FGFRL1: variants seen among roughly 807,000 people sequenced by gnomAD.
FGFRL1 encodes fibroblast growth factor receptor-like 1.
A neutral mutation model predicts 36.8 loss-of-function variants in FGFRL1; 24 were observed. The ratio of observed to expected loss-of-function variants is 0.65; its 90% CI spans 0.47 to 0.92. The LOEUF is 0.92. Among genes scored for constraint, FGFRL1 ranks in the 40% least tolerant of loss-of-function variants. The pLI is 0.00. For missense variants in FGFRL1, 785 were observed against 753.4 expected (o/e 1.04, Z -0.49); for synonymous variants, 422 against 344.1 (o/e 1.23, Z -2.50).
At position 1,024,668 on chromosome 4, in the gene FGFRL1, C is replaced by T. The variant is rs762504292; in HGVS notation, c.1072+4C>T. 15 of 1,592,282 alleles carry T rather than the reference C, an allele frequency of 9.4e-6. No homozygotes were observed. The highest frequency in any genetic ancestry group is 1.3e-5 in the Non-Finnish European group (15 of 1,167,344). Reference sequence around the variant, plus strand: ...GCCTTCCTCACCGTGCTGCCAGGTGCGCGGCTGCCACGCCACGCCACACCA... The same window carrying T: ...GCCTTCCTCACCGTGCTGCCAGGTGTGCGGCTGCCACGCCACGCCACACCA... On this transcript the variant is annotated splice_donor_region_variant and intron_variant, in intron 6 of 6. Coordinates refer to ENST00000510644, the MANE Select transcript of FGFRL1 (RefSeq NM_001004356.3).
At chr4:1,017,035 C>T (rs569162297) in intron 2 of FGFRL1, among the ~76,000 whole-genome samples, 27 of 152,272 alleles carry the variant, frequency 1.8e-4, no homozygotes, top group African/African-American at 6.3e-4. Context: ...GAAGGCTCAG[C>T]ACCTGGATTG....
intron 6 of FGFRL1, 70 bp from the exon 7 acceptor site, chr4:1,024,835 G>T (rs1398720383): frequency 1.9e-5 from 28 of 1,489,774 alleles, no homozygotes; most frequent in Non-Finnish European, 2.4e-5. Context: ...CCCTGGGATG[G>T]GTCTGGGGTG....
At chr4:1,015,599 G>T (rs111779499) in intron 2 of FGFRL1, among the ~76,000 whole-genome samples, 2,234 of 152,338 alleles carry the variant, frequency 0.015, 49 homozygotes, top group African/African-American at 0.048. Context: ...CCCTGTGTGG[G>T]GCAGGGGGGT....
chr4:1,025,266 CCACA>C lies in FGFRL1; in HGVS notation c.1452_1455del (p.His485LeufsTer94), dbSNP rs145808953. ...TGTACCCCAAACTCTACACAGACATCCACACACACACACACACACACTCTCACAC... is the reference window on the plus strand; with the variant it reads ...TGTACCCCAAACTCTACACAGACATCCACACACACACACACACTCTCACAC... On this transcript the variant is annotated frameshift_variant, in exon 7 of 7. Transcript: ENST00000510644. LOFTEE classifies it high-confidence loss of function. 91 of 1,437,702 alleles carry C rather than the reference CCACA, an allele frequency of 6.3e-5. No homozygotes were observed. The highest frequency in any genetic ancestry group is 1.7e-4 in the South Asian group (14 of 83,214). The allele number at this position is 1,437,702 out of a possible 1,614,324, so 89.1% of individuals were successfully genotyped here.
rs574197388 is a variant in FGFRL1, at chr4:1,018,916, G to C, written c.80-3287G>C. Among the ~76,000 whole-genome samples the C allele has an allele frequency of 2.2e-4, 34 of 152,302 alleles. No individual in the cohort carries two copies. In the South Asian group the frequency reaches 2.3e-3, roughly 10 times the overall value. ...GGTGGGGGTGGGATAGGCCTGGCGA[G>C]GGGGAGGGAGGCTGTTTGCTTTAGG... is the stretch of plus-strand genomic sequence containing the variant. On this transcript the variant is annotated intron_variant, in intron 2 of 6. Coordinates refer to ENST00000510644, the MANE Select transcript of FGFRL1 (RefSeq NM_001004356.3).
At position 1,025,435 on chromosome 4, in the gene FGFRL1, G is replaced by A. The variant is rs1057141631; in HGVS notation, c.*88G>A. The A allele has an allele frequency of 1.4e-6, 2 of 1,466,070 alleles. No homozygotes were observed. Among genetic ancestry groups the A allele is most frequent in the Non-Finnish European group, 1.8e-6 (2 of 1,095,328 alleles). The allele number at this position is 1,466,070 out of a possible 1,614,324, so 90.8% of individuals were successfully genotyped here. ...GGACGGAGCTGCAGACGAAGGCAGG[G>A]GACCCATGGCGAGGAGGAATGGCCA... On this transcript the variant is annotated 3_prime_UTR_variant, in exon 7 of 7. Coordinates refer to ENST00000510644, the MANE Select transcript of FGFRL1 (RefSeq NM_001004356.3).
In FGFRL1 at chr4:1,022,465, C is replaced by T. The variant is rs781572073; in HGVS notation, c.342C>T (p.Leu114=). The change falls in exon 3 of 7, where the codon CTC becomes CTT. Residue 114 remains leucine (L), a synonymous_variant. Coordinates refer to ENST00000510644, the MANE Select transcript of FGFRL1 (RefSeq NM_001004356.3). ...GFGSLSVNYT[L]VVLDDISPGK... is the part of the protein sequence containing the mutation. The stretch of plus-strand genomic sequence containing the variant: ...GCAGCCTGAGCGTCAACTACACCCT[C>T]GTCGTGCTGGGTTAGTCGCTGCTGC... The T allele has an allele frequency of 2.9e-5, 46 of 1,601,866 alleles. No homozygotes were observed. The highest frequency in any genetic ancestry group is 2.5e-4 in the East Asian group (11 of 44,742).
At chr4:1,017,721 C>T (rs1356132390) in intron 2 of FGFRL1, among the ~76,000 whole-genome samples, 4 of 152,190 alleles carry the variant, frequency 2.6e-5, no homozygotes, top group Admixed American at 2.6e-4. Context: ...GCACGTGTGT[C>T]CCTGCCTGGG....
At position 1,026,606 on chromosome 4, in the gene FGFRL1, C is replaced by A; in HGVS notation, c.*1259C>A. On this transcript the variant is annotated 3_prime_UTR_variant, in exon 7 of 7. Coordinates refer to ENST00000510644, the MANE Select transcript of FGFRL1 (RefSeq NM_001004356.3). ...CATGGCTAGTGGCTCATCCCCACTG[C>A]ATTCTCCCCCTGACACAGAGAAGGG... 1 of 262,822 alleles carries A rather than the reference C, an allele frequency of 3.8e-6. No homozygotes were observed. Among genetic ancestry groups the A allele is most frequent in the South Asian group, 3.8e-5 (1 of 26,364 alleles). 16.3% of individuals were successfully genotyped at this position (262,822 alleles called of 1,614,324 possible). A position where few individuals can be genotyped will look rare whatever the true frequency, so the allele number is the denominator to read the frequency against.
chr4:1,021,624 G>A (rs1039340068), intron 2 of FGFRL1, among the ~76,000 whole-genome samples: 3 of 152,172 alleles, frequency 2.0e-5, no homozygotes, highest in African/African-American at 4.8e-5. Flanking sequence ...CAGGCAGCCC[G>A]CCGTGCTCGG....
intron 2 of FGFRL1, among the ~76,000 whole-genome samples, chr4:1,019,532 G>A (rs976635909): frequency 1.3e-5 from 2 of 152,202 alleles, no homozygotes; most frequent in African/African-American, 4.8e-5. Flanking sequence ...CCTGGGGTGC[G>A]TCTGGGACCT....
At chr4:1,012,935 T>A (rs1235841676) in intron 2 of FGFRL1, among the ~76,000 whole-genome samples, 1 of 152,174 alleles carries the variant, frequency 6.6e-6, no homozygotes, top group African/African-American at 2.4e-5. Flanking sequence ...GTGGACCCGA[T>A]AAGGACTCTG....
intron 2 of FGFRL1, among the ~76,000 whole-genome samples, chr4:1,018,845 T>C (rs1014076210): frequency 5.3e-5 from 8 of 151,762 alleles, no homozygotes; most frequent in African/African-American, 1.9e-4. Flanking sequence ...CAGGCCCTCC[T>C]GCGGGGGGTC....
intron 2 of FGFRL1, among the ~76,000 whole-genome samples, chr4:1,019,726 G>A (rs1406699545): frequency 3.3e-5 from 5 of 152,212 alleles, no homozygotes; most frequent in Admixed American, 2.6e-4. Context: ...GCTGCAGGGA[G>A]GGTAGGGAAG....
At chr4:1,017,082 C>T (rs1715926218) in intron 2 of FGFRL1, among the ~76,000 whole-genome samples, 1 of 152,180 alleles carries the variant, frequency 6.6e-6, no homozygotes, top group Non-Finnish European at 1.5e-5. Context: ...ACAGTGTGTC[C>T]TGATTCCCCT....
chr4:1,015,559 G>A (rs1336200557), intron 2 of FGFRL1, among the ~76,000 whole-genome samples: 30 of 152,238 alleles, frequency 2.0e-4, no homozygotes, highest in Admixed American at 1.4e-3. Context: ...GCAAGTCAGC[G>A]TGGGTGGGGG....
At chr4:1,018,638 C>A (rs1465537705) in intron 2 of FGFRL1, among the ~76,000 whole-genome samples, 1 of 152,134 alleles carries the variant, frequency 6.6e-6, no homozygotes, top group African/African-American at 2.4e-5. Context: ...CATGCCCCGG[C>A]GGGGGTTCCC....
At position 1,026,005 on chromosome 4, in the gene FGFRL1, A is replaced by G. The variant is rs184928800; in HGVS notation, c.*658A>G. On this transcript the variant is annotated 3_prime_UTR_variant, in exon 7 of 7. Coordinates refer to ENST00000510644, the MANE Select transcript of FGFRL1 (RefSeq NM_001004356.3). Reference sequence around the variant, plus strand: ...CTGGACACACGCAGATATGCTGTCTAGTCACACACACACGCAGACATGCTG... The same window carrying G: ...CTGGACACACGCAGATATGCTGTCTGGTCACACACACACGCAGACATGCTG... The G allele has an allele frequency of 3.1e-3, 442 of 144,246 alleles. No individual in the cohort carries two copies. The highest frequency in any genetic ancestry group is 8.7e-3 in the Middle Eastern group (2 of 230). 8.9% of individuals were successfully genotyped at this position (144,246 alleles called of 1,614,324 possible).
intron 2 of FGFRL1, among the ~76,000 whole-genome samples, chr4:1,021,524 G>T (rs1716179122): frequency 6.6e-6 from 1 of 152,150 alleles, no homozygotes; most frequent in Non-Finnish European, 1.5e-5. Flanking sequence ...TGGGCAGACA[G>T]ACCTGGGCAT....
Sources: gnomAD v4.1 joint callset for allele counts (sites outside exome capture counted in the v4.1 genomes callset) on GRCh38, gnomAD v4.1.1 for gene constraint, MANE v1.5 for transcripts, NCBI Gene and HGNC (gene_info 2026-07-23, HGNC 2026-07-21) for gene names.